The following MYH4 variants were observed in gnomAD, a reference collection of about 807,000 sequenced individuals.
The protein encoded by MYH4 is myosin-4.
A neutral mutation model predicts 229.9 loss-of-function variants in MYH4; 200 were observed. The ratio of observed to expected loss-of-function variants is 0.87; its 90% confidence interval spans 0.78 to 0.98. The LOEUF (loss-of-function observed/expected upper bound fraction) is 0.98, where lower values mean the gene tolerates loss of function less well. MYH4 is among the 50% of genes least tolerant of loss of function. The pLI is 0.00. For missense variants in MYH4, 2,148 were observed against 2,332.6 expected, an observed-to-expected ratio of 0.92 and a Z score of 1.63; for synonymous variants, 761 against 834.6, an observed-to-expected ratio of 0.91 and a Z score of 1.52.
At chr17:10,454,352 G>T (rs1276212091) in intron 22 of MYH4, among the ~76,000 whole-genome samples, 6 of 152,188 alleles carry the variant, frequency 3.9e-5, no homozygotes, top group Admixed American at 3.9e-4. Context: ...TTATGAATTT[G>T]CTCACTGATG....
Position 10,453,136 on chromosome 17 carries a change from T to TA in MYH4, c.3111+15_3111+16insT, listed in dbSNP as rs1435172809. ...TATTTCATTGCAAGGGGAAACATTT[T>TA]CTTTTTCACACTTACATCGTCCACT... is the stretch of plus-strand genomic sequence containing the variant. On this transcript the variant is annotated intron_variant, in intron 24 of 39. Transcript: ENST00000255381. 3.4e-5 allele frequency: 55 copies of TA among 1,613,966 alleles called. 1 individual carries two copies. The highest frequency in any genetic ancestry group is 6.8e-6 in the Non-Finnish European group (8 of 1,179,946).
intron 23 of MYH4, 24 bp from the exon 24 acceptor site, chr17:10,453,352 G>A (rs369232013): frequency 1.2e-6 from 2 of 1,613,900 alleles, no homozygotes; most frequent in Non-Finnish European, 1.7e-6. Context: ...CAGATGACCA[G>A]AATGTCAATG....
Position 10,466,302 on chromosome 17 carries a change from T to G in MYH4, c.319A>C (p.Lys107Gln), listed in dbSNP as rs2072766268. The part of the protein sequence containing the change: ...LHEPAVLYNL[K>Q]ERYAAWMIYT... ...ATCATCCAGGCTGCGTAACGCTCTT[T>G]GAGGTTATACAGCACAGCAGGCTCA... Residue 107 changes from lysine (K) to glutamine (Q), a missense_variant, in exon 4 of 40, where the codon AAA (lysine) becomes CAA (glutamine). Lys to Gln is a moderately conservative substitution (Grantham distance 53). Coordinates refer to ENST00000255381, the MANE Select transcript of MYH4 (RefSeq NM_017533.2). 2 of 1,614,138 alleles carry G rather than the reference T, an allele frequency of 1.2e-6. No homozygotes were observed. The highest frequency in any genetic ancestry group is 1.7e-6 in the Non-Finnish European group (2 of 1,180,014).
chr17:10,467,065 T>C (rs2072775747), intron 2 of MYH4, among the ~76,000 whole-genome samples: 1 of 152,232 alleles, frequency 6.6e-6, no homozygotes, highest in African/African-American at 2.4e-5. Flanking sequence ...ATCAGCAACA[T>C]TTGTGATGCT....
In MYH4 at chr17:10,451,996, A is replaced by G. The variant is rs747029146; in HGVS notation, c.3683T>C (p.Leu1228Pro). Residue 1228 changes from leucine (L) to proline (P), a missense_variant, in exon 27 of 40, where the codon CTG becomes CCG. Leu to Pro is a moderately conservative substitution (Grantham distance 98, BLOSUM62 -3). Coordinates refer to ENST00000255381, the MANE Select transcript of MYH4 (RefSeq NM_017533.2). The part of the protein sequence containing the change: ...KQKLEKEKSE[L>P]KMEINDLASN... ...AGCAAGGTCATTGATCTCCATCTTC[A>G]GCTCACTCTTTTCCTTCTCCAGCTT... 3 of 1,613,616 alleles carry G rather than the reference A, an allele frequency of 1.9e-6. No homozygotes were observed. The African/African-American group carries it at 4.0e-5, about 22-fold the overall frequency.
At position 10,448,665 on chromosome 17, in the gene MYH4, G is replaced by T. The variant is rs760782897; in HGVS notation, c.4484C>A (p.Ser1495Tyr). 6.2e-7 allele frequency: 1 copy of T among 1,614,078 alleles called. No homozygotes were observed. Among genetic ancestry groups the T allele is most frequent in the South Asian group, 1.1e-5 (1 of 91,084 alleles). Residue 1495 changes from serine to tyrosine, a missense_variant, in exon 32 of 40, where the codon TCC becomes TAC. Ser to Tyr is a moderately radical substitution (Grantham distance 144, BLOSUM62 -2). Transcript: ENST00000255381. ...LFKVKNAYEESLDHLETLKRE... is the reference protein window; with the variant it reads ...LFKVKNAYEEYLDHLETLKRE... ...CTTTAGAGTTTCAAGATGATCCAGG[G>T]ATTCCTCGTAGGCATTCTTCACCTT...
chr17:10,456,696 C>G (rs1157448698), intron 16 of MYH4, 141 bp from the exon 17 acceptor site: 1 of 652,852 alleles, frequency 1.5e-6, no homozygotes, highest in Non-Finnish European at 2.7e-6. Context: ...TTCCATATCT[C>G]TCCTCCCTCA....
At position 10,466,429 on chromosome 17, in the gene MYH4, G is replaced by A; in HGVS notation, c.205-13C>T. The A allele has an allele frequency of 6.2e-7, 1 of 1,610,968 alleles. No individual in the cohort carries two copies. Among genetic ancestry groups the A allele is most frequent in the Non-Finnish European group, 8.5e-7 (1 of 1,179,244 alleles). ...TCACAGTTACAGTCTGTTAAGAAAA[G>A]AAAAAACAAGTGCATATCAAATAAG... is the stretch of plus-strand genomic sequence containing the variant. On this transcript the variant is annotated splice_polypyrimidine_tract_variant and intron_variant, in intron 3 of 39. Transcript: ENST00000255381.
At position 10,460,023 on chromosome 17, in the gene MYH4, G is replaced by T. The variant is rs754696431; in HGVS notation, c.1345C>A (p.Gln449Lys). ...FLWMVTRINQ[Q>K]LDTKQPRQYF... ...TGCCTGGGCTGCTTGGTGTCCAGCT[G>T]CTGGTTGATGCGGGTGACCATCCAC... The change falls in exon 14 of 40, where the codon CAG (glutamine) becomes AAG (lysine). Residue 449 changes from glutamine (Q) to lysine (K), a missense_variant. Physicochemically the swap from Gln to Lys is moderately conservative, Grantham distance 53. Transcript: ENST00000255381. 1 of 1,614,144 alleles carries T rather than the reference G, an allele frequency of 6.2e-7. No individual in the cohort carries two copies. The highest frequency in any genetic ancestry group is 8.5e-7 in the Non-Finnish European group (1 of 1,179,986).
rs897886586 is a variant in MYH4, at chr17:10,460,245, C to T, written c.1224G>A (p.Lys408=). 2 of 1,614,084 alleles carry T rather than the reference C, an allele frequency of 1.2e-6. No individual in the cohort carries two copies. The highest frequency in any genetic ancestry group is 2.2e-5 in the East Asian group (1 of 44,880). The change falls in exon 13 of 40, where the codon AAG becomes AAA. Residue 408 remains lysine (K), a synonymous_variant. Transcript: ENST00000255381. ...LLKSLCYPRV[K]VGNEFVTKGQ... Reference sequence around the variant, plus strand: ...CTTTGGTTACGAACTCATTGCCGACCTTGACTCTGGGATAGCAGAGAGATT... The same window carrying T: ...CTTTGGTTACGAACTCATTGCCGACTTTGACTCTGGGATAGCAGAGAGATT...
chr17:10,453,132 AT>A lies in MYH4; in HGVS notation c.3111+19del, dbSNP rs1237403696. 2.5e-6 allele frequency: 4 copies of A among 1,613,788 alleles called. No homozygotes were observed. The highest frequency in any genetic ancestry group is 1.3e-5 in the African/African-American group (1 of 74,890). ...TGTTTATTTCATTGCAAGGGGAAAC[AT>A]TTTCTTTTTCACACTTACATCGTCC... is the stretch of plus-strand genomic sequence containing the variant. On this transcript the variant is annotated intron_variant, in intron 24 of 39. Transcript: ENST00000255381.
intron 11 of MYH4, among the ~76,000 whole-genome samples, chr17:10,461,750 T>A (rs1025638282): frequency 2.0e-4 from 30 of 152,338 alleles, no homozygotes; most frequent in Middle Eastern, 3.4e-3. Context: ...CTCTATCGAA[T>A]TTTGATTACC....
Position 10,455,694 on chromosome 17 carries a change from C to T in MYH4, c.2094G>A (p.Arg698=). 1 of 1,614,198 alleles carries T rather than the reference C, an allele frequency of 6.2e-7. No individual in the cohort carries two copies. The highest frequency in any genetic ancestry group is 8.5e-7 in the Non-Finnish European group (1 of 1,180,038). ...MEHELVLHQL[R]CNGVLEGIRI... is the part of the protein sequence containing the mutation. ...GGATGCCTTCCAGCACACCGTTACACCTCAGCTGATGCAGGACAAGCTCAT... is the reference window on the plus strand; with the variant it reads ...GGATGCCTTCCAGCACACCGTTACATCTCAGCTGATGCAGGACAAGCTCAT... Residue 698 remains arginine (R), a synonymous_variant, in exon 19 of 40, where the codon AGG becomes AGA. Coordinates refer to ENST00000255381, the MANE Select transcript of MYH4 (RefSeq NM_017533.2).
In MYH4 at chr17:10,454,968, A is replaced by C; in HGVS notation, c.2408T>G (p.Val803Gly). ...CCTCTCCATCATCTTTCTGAACTCCACTCTCATCAGGAACCCTCTGCATAT... is the reference window on the plus strand; with the variant it reads ...CCTCTCCATCATCTTTCTGAACTCCCCTCTCATCAGGAACCCTCTGCATAT... Reference protein sequence around the residue: ...QAICRGFLMRVEFRKMMERRE... With the variant: ...QAICRGFLMRGEFRKMMERRE... The change falls in exon 21 of 40, where the codon GTG becomes GGG. Residue 803 changes from valine to glycine, a missense_variant. Transcript: ENST00000255381. The C allele has an allele frequency of 6.2e-7, 1 of 1,613,976 alleles. No individual in the cohort carries two copies. Among genetic ancestry groups the C allele is most frequent in the Non-Finnish European group, 8.5e-7 (1 of 1,180,002 alleles).
chr17:10,460,391 CA>C, intron 12 of MYH4, 70 bp from the exon 13 acceptor site: 1 of 1,243,382 alleles, frequency 8.0e-7, no homozygotes, highest in Non-Finnish European at 1.1e-6. Context: ...ATGATGATGA[CA>C]AAGAAAAAAG....
chr17:10,457,334 G>C, intron 16 of MYH4, 86 bp downstream of exon 16: 1 of 1,445,118 alleles, frequency 6.9e-7, no homozygotes. Context: ...TTTGTGTCAG[G>C]TTTTGCTGTA....
chr17:10,447,135 T>G lies in MYH4; in HGVS notation c.5047A>C (p.Asn1683His). ...EQLAMVERRA[N>H]LMQAEVEELR... is the part of the protein sequence containing the mutation. ...TCTTCAACTTCAGCCTGCATCAGGT[T>G]AGCTCTGCGCTCAACCATTGCCAGT... The change falls in exon 35 of 40, where the codon AAC becomes CAC. Residue 1683 changes from asparagine (N) to histidine (H), a missense_variant. Coordinates refer to ENST00000255381, the MANE Select transcript of MYH4 (RefSeq NM_017533.2). 6.2e-7 allele frequency: 1 copy of G among 1,614,154 alleles called. No homozygotes were observed. The highest frequency in any genetic ancestry group is 8.5e-7 in the Non-Finnish European group (1 of 1,180,020).
downstream of MYH4, chr17:10,443,266 T>G: frequency 8.2e-7 from 1 of 1,221,930 alleles, no homozygotes; most frequent in South Asian, 1.5e-5. The surrounding 1 kb of genome is among the most constrained non-coding windows in gnomAD (Gnocchi z 4.6). Context: ...AAATGTATTT[T>G]TAGATGCAAA....
rs1174482680 is a variant in MYH4 at position 10,457,742 on chromosome 17, A to G, written c.1588-13T>C. ...AGATGCCCATAGGCTAAGAATAGGA[A>G]AAAAGGGATGATAATGATGAGTCCC... On this transcript the variant is annotated splice_polypyrimidine_tract_variant and intron_variant, in intron 15 of 39. Transcript: ENST00000255381. 1.9e-6 allele frequency: 3 copies of G among 1,608,486 alleles called. No homozygotes were observed. Among genetic ancestry groups the G allele is most frequent in the Non-Finnish European group, 2.5e-6 (3 of 1,176,718 alleles).
Sources: allele counts gnomAD v4.1 joint callset (sites outside exome capture counted in the v4.1 genomes callset), GRCh38; gene constraint gnomAD v4.1.1; non-coding constraint Gnocchi (gnomAD v3.1); transcripts MANE v1.5; gene names NCBI Gene and HGNC (gene_info 2026-07-23, HGNC 2026-07-21).